DIDO1: variants seen among roughly 807,000 people sequenced by gnomAD.
DIDO1 encodes the protein death-inducer obliterator 1.
A neutral mutation model predicts 99.4 loss-of-function variants in DIDO1; 16 were observed. That is an observed-to-expected ratio of 0.16 (90% CI 0.11 to 0.24). The LOEUF is 0.24. Among genes scored for constraint, DIDO1 ranks in the 10% least tolerant of loss-of-function variants. The pLI, the probability that DIDO1 is intolerant of heterozygous loss-of-function variation, is 1.00. For missense variants in DIDO1, 2,996 were observed against 3,014.0 expected (o/e 0.99, Z 0.14); for synonymous variants, 1,366 against 1,239.1 (o/e 1.10, Z -2.15).
At position 62,882,310 on chromosome 20, in the gene DIDO1, T is replaced by C. The variant is rs1179229128; in HGVS notation, c.3646A>G (p.Thr1216Ala). 3.1e-6 allele frequency: 5 copies of C among 1,613,868 alleles called. No homozygotes were observed. The highest frequency in any genetic ancestry group is 4.2e-6 in the Non-Finnish European group (5 of 1,180,026). The part of the protein sequence containing the change: ...GELDKMDEKR[T>A]RLQPEEADVP... ...TCCGCTTCTTCCGGTTGAAGTCGGG[T>C]CCGCTTTTCGTCCATCTTGTCTAAC... Residue 1216 changes from threonine (T) to alanine (A), a missense_variant, in exon 16 of 16, where the codon ACC becomes GCC. Transcript: ENST00000395343.
chr20:62,893,597 C>G, intron 12 of DIDO1, 69 bp downstream of exon 12: 2 of 1,472,836 alleles, frequency 1.4e-6, no homozygotes, highest in Non-Finnish European at 1.8e-6. Flanking sequence ...ATTTAATCAC[C>G]AGTTATCTTT....
intron 15 of DIDO1, chr20:62,888,001 G>C: frequency 1.0e-6 from 1 of 985,498 alleles, no homozygotes; most frequent in Non-Finnish European, 1.2e-6. Context: ...GGGAGATCCA[G>C]CTACTGCTGT....
chr20:62,916,956 C>A (rs936573658), intron 1 of DIDO1, among the ~76,000 whole-genome samples: 1 of 152,218 alleles, frequency 6.6e-6, no homozygotes. Context: ...GCATGCTGTT[C>A]ACCTGGATGA....
At chr20:62,892,136 T>G in intron 13 of DIDO1, 60 bp from the exon 14 acceptor site, 1 of 1,449,932 alleles carries the variant, frequency 6.9e-7, no homozygotes, top group African/African-American at 1.4e-5. Flanking sequence ...GAAAGACGAA[T>G]GCAGCCATGT....
Position 62,893,799 on chromosome 20 carries a change from G to A in DIDO1, c.2968C>T (p.His990Tyr), listed in dbSNP as rs2064452485. The change falls in exon 12 of 16, where the codon CAC (histidine) becomes TAC (tyrosine). Residue 990 changes from histidine to tyrosine, a missense_variant. By Grantham distance (83) the His-to-Tyr change is moderately conservative (BLOSUM62 2). Transcript: ENST00000395343. ...ASAASRPDST[H>Y]MVEARQDVPK... ...ACATCCTGTCTGGCTTCCACCATGT[G>A]GGTGCTGTCTGGGCGGGATGCTGCG... 1 of 1,614,070 alleles carries A rather than the reference G, an allele frequency of 6.2e-7. No individual in the cohort carries two copies. The highest frequency in any genetic ancestry group is 1.3e-5 in the African/African-American group (1 of 74,926).
intron 1 of DIDO1, among the ~76,000 whole-genome samples, chr20:62,922,850 G>A (rs937591423): frequency 5.9e-5 from 9 of 152,234 alleles, no homozygotes; most frequent in South Asian, 2.1e-4. Context: ...TTCTCATGGA[G>A]GGCAGGGAGT....
chr20:62,889,241 T>C lies in DIDO1; in HGVS notation c.3541+1719A>G, dbSNP rs1048419760. 3 of 985,522 alleles carry C rather than the reference T, an allele frequency of 3.0e-6. No homozygotes were observed. In the South Asian group the frequency reaches 1.4e-4, roughly 46 times the overall value. 61.0% of individuals were successfully genotyped at this position (985,522 alleles called of 1,614,324 possible). On this transcript the variant is annotated intron_variant, in intron 15 of 15. Transcript: ENST00000395343. ...TTTCCCTCTGCCCCGGGGCTGCACC[T>C]GCACAGCCAGCCCTTGCTGTGGGGA...
rs1333769626 is a variant in DIDO1, at chr20:62,880,796, CT to C, written c.5159del (p.Glu1720GlyfsTer144). 1 of 1,612,640 alleles carries C rather than the reference CT, an allele frequency of 6.2e-7. No individual in the cohort carries two copies. On this transcript the variant is annotated frameshift_variant, in exon 16 of 16. Transcript: ENST00000395343. LOFTEE classifies it low-confidence loss of function (END_TRUNC). ...GTCTGGCCTGTGGCTCTCTGTCCCC[CT>C]CTGTTTCACCTGCAGGGCTGCTGCT... is the stretch of plus-strand genomic sequence containing the variant. ...GRSSSPAGET[E>X]GDREPQARPG...
At chr20:62,892,468 G>A (rs1305669998) in intron 13 of DIDO1, among the ~76,000 whole-genome samples, 2 of 152,218 alleles carry the variant, frequency 1.3e-5, no homozygotes, top group African/African-American at 2.4e-5. Context: ...CACCCCGCAA[G>A]TGGCCAGGTG....
At chr20:62,936,839 G>C (rs2065391809) in intron 1 of DIDO1, among the ~76,000 whole-genome samples, 1 of 152,282 alleles carries the variant, frequency 6.6e-6, no homozygotes, top group South Asian at 2.1e-4. Flanking sequence ...GCTCCAGCCT[G>C]GGCGAGAGTG....
chr20:62,895,027 G>T (rs184368726), intron 9 of DIDO1, 22 bp downstream of exon 9: 2 of 1,599,196 alleles, frequency 1.3e-6, no homozygotes, highest in African/African-American at 2.7e-5. Context: ...GGGTGCCTCC[G>T]CAGGTACCCC....
intron 13 of DIDO1, among the ~76,000 whole-genome samples, chr20:62,892,460 C>A (rs938439221): frequency 1.6e-4 from 25 of 152,224 alleles, no homozygotes; most frequent in African/African-American, 6.0e-4. Flanking sequence ...ATATGCGCCA[C>A]CCCGCAAGTG....
intron 5 of DIDO1, among the ~76,000 whole-genome samples, 165 bp from the exon 6 acceptor site, chr20:62,906,265 T>TCGGTGGGCCCG (rs1053995342): frequency 2.6e-5 from 4 of 152,298 alleles, no homozygotes; most frequent in East Asian, 1.9e-4. Flanking sequence ...ACTTGCGTAT[T>TCGGTGGGCCCG]CGGTGGGCCC....
chr20:62,890,873 C>T (rs1028438132), intron 15 of DIDO1, 87 bp downstream of exon 15: 2 of 1,609,216 alleles, frequency 1.2e-6, no homozygotes, highest in Non-Finnish European at 1.7e-6. Flanking sequence ...GAGCCCTGGG[C>T]TGGTCAGGAC....
rs142613962 is a variant in DIDO1 at position 62,894,053 on chromosome 20, T to C, written c.2714A>G (p.Glu905Gly). The C allele has an allele frequency of 3.2e-5, 52 of 1,614,110 alleles. No individual in the cohort carries two copies. The highest frequency in any genetic ancestry group is 4.3e-5 in the Non-Finnish European group (51 of 1,180,054). Residue 905 changes from glutamate to glycine, a missense_variant, in exon 12 of 16, where the codon GAG becomes GGG. Around this residue, in one of 5 missense-constraint regions of DIDO1, gnomAD observed 898 missense variants for 972.7 expected, o/e 0.92. Transcript: ENST00000395343. This position sits in a 1 kb window ranked among gnomAD's most constrained non-coding sequence, Gnocchi z 4.4. The part of the protein sequence containing the change: ...APDSADEVMP[E>G]AVPEVASEPG... ...CTCAGAGGCAACTTCAGGCACAGCC[T>C]CCGGCATCACCTCATCAGCTGAATC...
chr20:62,894,193 G>T lies in DIDO1; in HGVS notation c.2574C>A (p.Gly858=). Reference sequence around the variant, plus strand: ...GCTCATCTTCTGCGGAGGGAACCTGGCCTGAAGAAGGCGAGGAAAGGCTCT... The same window carrying T: ...GCTCATCTTCTGCGGAGGGAACCTGTCCTGAAGAAGGCGAGGAAAGGCTCT... ...LFDLNCKICT[G]QVPSAEDEPA... is the part of the protein sequence containing the mutation. The change falls in exon 12 of 16, where the codon GGC becomes GGA. Residue 858 remains glycine, a splice_region_variant and synonymous_variant. Coordinates refer to ENST00000395343, the MANE Select transcript of DIDO1 (RefSeq NM_001193369.2). The surrounding 1 kb of genome is among the most constrained non-coding windows in gnomAD (Gnocchi z 4.4). The T allele has an allele frequency of 6.2e-7, 1 of 1,610,908 alleles. No homozygotes were observed. Among genetic ancestry groups the T allele is most frequent in the Non-Finnish European group, 8.5e-7 (1 of 1,177,496 alleles).
chr20:62,906,968 A>G (rs2147479780), intron 5 of DIDO1, among the ~76,000 whole-genome samples, 179 bp downstream of exon 5: 1 of 152,324 alleles, frequency 6.6e-6, no homozygotes, highest in South Asian at 2.1e-4. Context: ...TTAACCCCTC[A>G]GCTAACGGGC....
At chr20:62,922,237 TATATATACACACACACAC>T (rs2065168206) in intron 1 of DIDO1, among the ~76,000 whole-genome samples, 1 of 147,622 alleles carries the variant, frequency 6.8e-6, no homozygotes, top group Non-Finnish European at 1.5e-5. Context: ...CACACATATA[TATATATACACACACACAC>T]ATATATATAC....
Position 62,894,703 on chromosome 20 carries a change from T to C in DIDO1, c.2436+107A>G. On this transcript the variant is annotated intron_variant, in intron 10 of 15. Coordinates refer to ENST00000395343, the MANE Select transcript of DIDO1 (RefSeq NM_001193369.2). The surrounding 1 kb of genome is among the most constrained non-coding windows in gnomAD (Gnocchi z 4.4). ...AGGACTGAGGAATGCCACAATGACA[T>C]ACACCTGCTGTAAGCTCAGGTCCTG... The C allele has an allele frequency of 7.1e-7, 1 of 1,410,256 alleles. No individual in the cohort carries two copies. Among genetic ancestry groups the C allele is most frequent in the Non-Finnish European group, 9.6e-7 (1 of 1,041,938 alleles). The allele number at this position is 1,410,256 out of a possible 1,614,324, so 87.4% of individuals were successfully genotyped here.
Sources: allele counts gnomAD v4.1 joint callset (sites outside exome capture counted in the v4.1 genomes callset), GRCh38; gene constraint gnomAD v4.1.1; regional missense constraint gnomAD v4.1.1; non-coding constraint Gnocchi (gnomAD v3.1); transcripts MANE v1.5; gene names NCBI Gene and HGNC (gene_info 2026-07-23, HGNC 2026-07-21).